ZC2HC1A: variants seen among roughly 807,000 people sequenced by gnomAD.
ZC2HC1A encodes zinc finger C2HC-type containing 1A, also known as zinc finger C2HC domain-containing protein 1A.
A neutral mutation model predicts 40.7 loss-of-function variants in ZC2HC1A; 28 were observed. The observed-to-expected ratio is 0.69, with a 90% CI of 0.51 to 0.94. The LOEUF is 0.94. ZC2HC1A is among the 40% of genes least tolerant of loss of function. The probability of loss-of-function intolerance (pLI) is 0.00; values close to 1 mark genes in which losing one functional copy is unlikely to be tolerated. For synonymous variants in ZC2HC1A, 129 were observed against 129.2 expected, an observed-to-expected ratio of 1.00 and a Z score of 0.01; for missense variants, 389 against 386.3, an observed-to-expected ratio of 1.01 and a Z score of -0.06.
At chr8:78,686,277 A>G (rs1164551362) in intron 3 of ZC2HC1A, among the ~76,000 whole-genome samples, 190 bp from the exon 4 acceptor site, 1 of 152,194 alleles carries the variant, frequency 6.6e-6, no homozygotes, top group Non-Finnish European at 1.5e-5. Context: ...ACATTAAGAA[A>G]TTGAATATAA....
Position 78,675,521 on chromosome 8 carries a change from A to G in ZC2HC1A, c.17-266A>G, listed in dbSNP as rs374430868. Reference sequence around the variant, plus strand: ...TATGACAAATTGATTTGCTTAAAATAATTACAAGAAAACTAGATATTTCCA... The same window carrying G: ...TATGACAAATTGATTTGCTTAAAATGATTACAAGAAAACTAGATATTTCCA... On this transcript the variant is annotated intron_variant, in intron 1 of 8. Coordinates refer to ENST00000263849, the MANE Select transcript of ZC2HC1A (RefSeq NM_016010.3). 2.5e-3 allele frequency among the ~76,000 whole-genome samples: 374 copies of G among 152,112 alleles called. 3 individuals carry two copies. The highest frequency in any genetic ancestry group is 6.4e-3 in the Admixed American group (98 of 15,258).
intron 8 of ZC2HC1A, among the ~76,000 whole-genome samples, chr8:78,716,635 G>T (rs1166809890): frequency 6.6e-6 from 1 of 152,110 alleles, no homozygotes; most frequent in African/African-American, 2.4e-5. Context: ...TTAGAGATGG[G>T]TTTGCAGAAA....
Position 78,715,284 on chromosome 8 carries a change from G to A in ZC2HC1A, c.768G>A (p.Val256=). 1 of 1,613,754 alleles carries A rather than the reference G, an allele frequency of 6.2e-7. No homozygotes were observed. The highest frequency in any genetic ancestry group is 1.3e-5 in the African/African-American group (1 of 75,000). The change falls in exon 8 of 9, where the codon GTG becomes GTA. Residue 256 remains valine (V), a synonymous_variant. Coordinates refer to ENST00000263849, the MANE Select transcript of ZC2HC1A (RefSeq NM_016010.3). The part of the protein sequence containing the change: ...PSLARNPAPG[V]LTNKRKTYTE... ...TGGCAAGAAATCCTGCCCCAGGTGT[G>A]CTTACAAACAAAAGAAAAACATATA...
intron 3 of ZC2HC1A, among the ~76,000 whole-genome samples, chr8:78,684,364 T>A (rs1192397784): frequency 6.6e-6 from 1 of 152,206 alleles, no homozygotes; most frequent in East Asian, 1.9e-4. Flanking sequence ...AGAGCGTGTG[T>A]GCAGGGGAAC....
chr8:78,689,107 G>T (rs1325770558), intron 4 of ZC2HC1A, 115 bp from the exon 5 acceptor site: 2 of 667,812 alleles, frequency 3.0e-6, no homozygotes, highest in Admixed American at 8.9e-5. Flanking sequence ...GGGAATTTTT[G>T]CTTATCAGAT....
intron 5 of ZC2HC1A, among the ~76,000 whole-genome samples, chr8:78,690,165 T>C (rs1810160672): frequency 6.6e-6 from 1 of 151,366 alleles, no homozygotes; most frequent in South Asian, 2.1e-4. Flanking sequence ...TTTATATCCC[T>C]GTCCTTTAGT....
At chr8:78,686,699 A>T (rs1286721441) in intron 4 of ZC2HC1A, 91 bp downstream of exon 4, 2 of 1,297,160 alleles carry the variant, frequency 1.5e-6, no homozygotes, top group African/African-American at 3.1e-5. Flanking sequence ...CTTAACTTAC[A>T]ATCATGGAGT....
chr8:78,671,530 T>A lies in ZC2HC1A; in HGVS notation c.17-4257T>A, dbSNP rs138351869. On this transcript the variant is annotated intron_variant, in intron 1 of 8. Transcript: ENST00000263849. The stretch of plus-strand genomic sequence containing the variant: ...GAAAGGTTAGTGGAGATTGCCTGCA[T>A]GCCTTGGAAAGTAATATTTTTTATT... Among the ~76,000 whole-genome samples the A allele has an allele frequency of 1.5e-3, 221 of 152,316 alleles. 2 individuals carry two copies. Among genetic ancestry groups the A allele is most frequent in the African/African-American group, 5.1e-3 (213 of 41,590 alleles).
At chr8:78,681,300 A>G (rs1809768950) in intron 3 of ZC2HC1A, among the ~76,000 whole-genome samples, 1 of 152,214 alleles carries the variant, frequency 6.6e-6, no homozygotes, top group Non-Finnish European at 1.5e-5. Context: ...GATGAATAAT[A>G]GAAAATATAT....
At position 78,718,154 on chromosome 8, in the gene ZC2HC1A, A is replaced by G. The variant is rs1371004699; in HGVS notation, c.*661A>G. On this transcript the variant is annotated 3_prime_UTR_variant, in exon 9 of 9. Transcript: ENST00000263849. ...CAAATACACAAGACTAAAAATACAAATCTATCTTGTTCTATTTATAACTGA... is the reference window on the plus strand; with the variant it reads ...CAAATACACAAGACTAAAAATACAAGTCTATCTTGTTCTATTTATAACTGA... 6.6e-6 allele frequency: 1 copy of G among 152,056 alleles called. No individual in the cohort carries two copies. The highest frequency in any genetic ancestry group is 1.5e-5 in the Non-Finnish European group (1 of 67,918). 9.4% of individuals were successfully genotyped at this position (152,056 alleles called of 1,614,324 possible). A position where few individuals can be genotyped will look rare whatever the true frequency, so the allele number is the denominator to read the frequency against.
At chr8:78,712,037 A>T in intron 7 of ZC2HC1A, 2 of 1,289,778 alleles carry the variant, frequency 1.6e-6, no homozygotes, top group Non-Finnish European at 2.0e-6. Context: ...AGACTTGTGC[A>T]AAGGTTGTAT....
intron 4 of ZC2HC1A, among the ~76,000 whole-genome samples, chr8:78,687,091 C>A (rs984778413): frequency 1.3e-5 from 2 of 151,966 alleles, no homozygotes; most frequent in African/African-American, 4.8e-5. Context: ...AATTTTTTCT[C>A]ATTGAGCAGA....
Position 78,717,834 on chromosome 8 carries a change from G to C in ZC2HC1A, c.*341G>C, listed in dbSNP as rs1236957392. ...TTTCCACAAACTCTCATACTCTAGT[G>C]CTTAGCCCTTCAAGCTTTAGGATAA... On this transcript the variant is annotated 3_prime_UTR_variant, in exon 9 of 9. Coordinates refer to ENST00000263849, the MANE Select transcript of ZC2HC1A (RefSeq NM_016010.3). 6.1e-6 allele frequency: 1 copy of C among 164,024 alleles called. No homozygotes were observed. The highest frequency in any genetic ancestry group is 1.3e-5 in the Non-Finnish European group (1 of 75,442). 10.2% of individuals were successfully genotyped at this position (164,024 alleles called of 1,614,324 possible).
At chr8:78,690,271 CT>C (rs1563628576) in intron 5 of ZC2HC1A, among the ~76,000 whole-genome samples, 1 of 152,126 alleles carries the variant, frequency 6.6e-6, no homozygotes, top group Non-Finnish European at 1.5e-5. Flanking sequence ...TTAAAATTTT[CT>C]TTGGCAGCCG....
intron 5 of ZC2HC1A, among the ~76,000 whole-genome samples, chr8:78,693,346 C>A (rs1370347874): frequency 6.6e-6 from 1 of 151,840 alleles, no homozygotes; most frequent in African/African-American, 2.4e-5. Flanking sequence ...ACAGTCCCAC[C>A]AACAGTGTAA....
intron 7 of ZC2HC1A, among the ~76,000 whole-genome samples, chr8:78,704,019 T>A (rs1054184335): frequency 5.3e-5 from 8 of 151,986 alleles, no homozygotes; most frequent in African/African-American, 1.7e-4. Context: ...CTGAAAAAGG[T>A]TTTATTTCTC....
intron 7 of ZC2HC1A, among the ~76,000 whole-genome samples, chr8:78,702,104 C>A (rs1042903414): frequency 6.6e-5 from 10 of 152,048 alleles, no homozygotes; most frequent in African/African-American, 2.4e-4. Flanking sequence ...TGGTCCTGGG[C>A]TTTTTTCAAT....
At chr8:78,677,281 G>T (rs1424770863) in intron 2 of ZC2HC1A, among the ~76,000 whole-genome samples, 3 of 152,086 alleles carry the variant, frequency 2.0e-5, no homozygotes, top group East Asian at 3.9e-4. Context: ...CTTATTGGAG[G>T]TCATTTAAGA....
intron 5 of ZC2HC1A, among the ~76,000 whole-genome samples, chr8:78,695,472 A>G (rs761998699): frequency 1.3e-5 from 2 of 152,160 alleles, no homozygotes; most frequent in South Asian, 2.1e-4. Flanking sequence ...CACTTTGTTT[A>G]TGCTAATCAT....
Sources: gnomAD v4.1 joint callset for allele counts (sites outside exome capture counted in the v4.1 genomes callset) on GRCh38, gnomAD v4.1.1 for gene constraint, MANE v1.5 for transcripts, NCBI Gene and HGNC (gene_info 2026-07-23, HGNC 2026-07-21) for gene names.